Variants in ELAVL1 observed in about 807,000 individuals in gnomAD.
The protein encoded by ELAVL1 is ELAV-like protein 1.
A neutral mutation model predicts 28.4 loss-of-function variants in ELAVL1; 1 was observed. The ratio of observed to expected loss-of-function variants is 0.04; its 90% CI spans 0.01 to 0.17. ELAVL1 has a LOEUF of 0.17. ELAVL1 is among the 10% of genes least tolerant of loss of function. The probability of loss-of-function intolerance (pLI) is 1.00; values close to 1 mark genes in which losing one functional copy is unlikely to be tolerated. For synonymous variants in ELAVL1, 174 were observed against 183.5 expected (o/e 0.95, Z 0.42); for missense variants, 157 against 447.2 (o/e 0.35, Z 5.85).
chr19:7,980,970 G>A (rs1026010459), intron 3 of ELAVL1, 113 bp downstream of exon 3: 29 of 1,048,386 alleles, frequency 2.8e-5, no homozygotes, highest in East Asian at 1.7e-4. Flanking sequence ...GGGAGCCCCC[G>A]AGGAGCGGCT....
chr19:7,984,823 C>T (rs1985557919), intron 2 of ELAVL1, among the ~76,000 whole-genome samples: 1 of 152,258 alleles, frequency 6.6e-6, no homozygotes, highest in Admixed American at 6.5e-5. Flanking sequence ...TGACCACCCA[C>T]CTCCACCTTT....
intron 3 of ELAVL1, among the ~76,000 whole-genome samples, chr19:7,978,800 G>A (rs1008767411): frequency 6.6e-5 from 10 of 152,070 alleles, no homozygotes; most frequent in African/African-American, 1.9e-4. Flanking sequence ...GTTGGGGACC[G>A]TGGCCTTAAA....
In ELAVL1 at chr19:7,963,276, G is replaced by T; in HGVS notation, c.*207C>A. 1.7e-6 allele frequency: 1 copy of T among 598,006 alleles called. No homozygotes were observed. The highest frequency in any genetic ancestry group is 2.9e-6 in the Non-Finnish European group (1 of 350,218). The allele number at this position is 598,006 out of a possible 1,614,324, so 37.0% of individuals were successfully genotyped here. ...ATATATCTTAAAGGAAATAACTTAC[G>T]AAACTTAAGATTGGTCTAACATTGT... is the stretch of plus-strand genomic sequence containing the variant. On this transcript the variant is annotated 3_prime_UTR_variant, in exon 6 of 6. Transcript: ENST00000407627. This position sits in a 1 kb window ranked among gnomAD's most constrained non-coding sequence, Gnocchi z 4.5.
At chr19:7,985,203 C>T (rs1411137389) in intron 2 of ELAVL1, among the ~76,000 whole-genome samples, 3 of 152,192 alleles carry the variant, frequency 2.0e-5, no homozygotes, top group Admixed American at 6.5e-5. Context: ...TATAGGCGTG[C>T]GCCACCGCGC....
At chr19:8,004,782 G>A (rs1309008187) in intron 1 of ELAVL1, among the ~76,000 whole-genome samples, 1 of 152,064 alleles carries the variant, frequency 6.6e-6, no homozygotes, top group African/African-American at 2.4e-5. Context: ...CACACAGTAG[G>A]GACCAAAACC....
rs768294547 is a variant in ELAVL1, at chr19:7,967,718, T to C, written c.503A>G (p.Asn168Ser). Residue 168 changes from asparagine to serine, a missense_variant, in exon 5 of 6, where the codon AAT becomes AGT. Around this residue, in one of 4 missense-constraint regions of ELAVL1, gnomAD observed 107 missense variants for 310.4 expected, o/e 0.34. Transcript: ENST00000407627. The part of the protein sequence containing the change: ...SEAEEAITSF[N>S]GHKPPGSSEP... ...AGAGGAACCTGGGGGTTTATGACCA[T>C]TGAAACTGGTAATTGCCTCTTCTGC... is the stretch of plus-strand genomic sequence containing the variant. The C allele has an allele frequency of 4.3e-6, 7 of 1,614,178 alleles. No homozygotes were observed. The highest frequency in any genetic ancestry group is 1.1e-5 in the South Asian group (1 of 91,076).
chr19:8,000,436 A>C (rs1334242165), intron 1 of ELAVL1, among the ~76,000 whole-genome samples: 1 of 152,192 alleles, frequency 6.6e-6, no homozygotes, highest in African/African-American at 2.4e-5. Context: ...AAGCATGAGA[A>C]TCACTTTCAT....
At chr19:7,994,778 CCTGA>C (rs746543822) in intron 1 of ELAVL1, among the ~76,000 whole-genome samples, 60 of 152,148 alleles carry the variant, frequency 3.9e-4, no homozygotes, top group Middle Eastern at 3.4e-3. Flanking sequence ...AACGTGAGAC[CCTGA>C]CTCTCAACAA....
In ELAVL1 at chr19:7,982,503, G is replaced by A. The variant is rs1985490762; in HGVS notation, c.173-1317C>T. On this transcript the variant is annotated intron_variant, in intron 2 of 5. Coordinates refer to ENST00000407627, the MANE Select transcript of ELAVL1 (RefSeq NM_001419.3). This position sits in a 1 kb window ranked among gnomAD's most constrained non-coding sequence, Gnocchi z 4.3. ...CAAATCCAGCAGAGAGCCTAACCCAGGTTTGCCACTTTCTTTTTAAAATGA... is the reference window on the plus strand; with the variant it reads ...CAAATCCAGCAGAGAGCCTAACCCAAGTTTGCCACTTTCTTTTTAAAATGA... Among the ~76,000 whole-genome samples the A allele has an allele frequency of 6.6e-6, 1 of 152,150 alleles. No individual in the cohort carries two copies. The highest frequency in any genetic ancestry group is 2.4e-5 in the African/African-American group (1 of 41,428).
intron 5 of ELAVL1, among the ~76,000 whole-genome samples, chr19:7,966,615 GTTCATTA>G (rs1339108708): frequency 6.6e-6 from 1 of 152,118 alleles, no homozygotes; most frequent in Non-Finnish European, 1.5e-5. Flanking sequence ...GATATGAGAC[GTTCATTA>G]TTCATTTATT....
chr19:7,978,751 C>T (rs1285613952), intron 3 of ELAVL1, among the ~76,000 whole-genome samples: 1 of 152,116 alleles, frequency 6.6e-6, no homozygotes, highest in East Asian at 1.9e-4. Flanking sequence ...GCCTGGGGTC[C>T]CCCAAAGGGT....
At position 7,960,026 on chromosome 19, in the gene ELAVL1, TGA is replaced by T. The variant is rs1195981957; in HGVS notation, c.*3455_*3456del. 4 of 152,226 alleles carry T rather than the reference TGA, an allele frequency of 2.6e-5. No homozygotes were observed. The highest frequency in any genetic ancestry group is 9.7e-5 in the African/African-American group (4 of 41,442). 9.4% of individuals were successfully genotyped at this position (152,226 alleles called of 1,614,324 possible). ...TGAATCGGATGTGAAATGTAACAGC[TGA>T]GTGATGTCAATTTCGATTTTTCAAG... On this transcript the variant is annotated 3_prime_UTR_variant, in exon 6 of 6. Coordinates refer to ENST00000407627, the MANE Select transcript of ELAVL1 (RefSeq NM_001419.3).
chr19:8,001,634 A>AT (rs1555713706), intron 1 of ELAVL1, among the ~76,000 whole-genome samples: 9,019 of 139,040 alleles, frequency 0.065, 275 homozygotes, highest in Non-Finnish European at 0.076. Context: ...CTTAAAAAAA[A>AT]TTTTTTTTTT....
intron 1 of ELAVL1, among the ~76,000 whole-genome samples, chr19:7,992,664 T>C (rs1213367493): frequency 6.6e-6 from 1 of 152,142 alleles, no homozygotes; most frequent in Non-Finnish European, 1.5e-5. Context: ...TGATATATAG[T>C]GGTGGATGTG....
chr19:7,972,766 A>G (rs1985151909), intron 4 of ELAVL1: 1 of 139,286 alleles, frequency 7.2e-6, no homozygotes, highest in Admixed American at 7.3e-5. Context: ...AGCTGTGATG[A>G]CATGCCCGCG....
chr19:7,985,033 C>G (rs1985563658), intron 2 of ELAVL1, among the ~76,000 whole-genome samples: 1 of 152,192 alleles, frequency 6.6e-6, no homozygotes, highest in Admixed American at 6.5e-5. Context: ...GATGCTCCCA[C>G]CTCAGCCCCC....
chr19:8,004,079 A>G (rs981855758), intron 1 of ELAVL1, among the ~76,000 whole-genome samples: 10 of 152,202 alleles, frequency 6.6e-5, no homozygotes, highest in African/African-American at 9.6e-5. Context: ...CATCTCTAAA[A>G]TGGAAATTAA....
intron 1 of ELAVL1, among the ~76,000 whole-genome samples, chr19:7,994,232 C>G (rs1225585222): frequency 6.6e-6 from 1 of 151,180 alleles, no homozygotes; most frequent in East Asian, 1.9e-4. Flanking sequence ...CATTCTGCCC[C>G]CAAGGGGACA....
intron 1 of ELAVL1, among the ~76,000 whole-genome samples, chr19:7,994,009 A>G (rs1208654438): frequency 6.6e-6 from 1 of 152,194 alleles, no homozygotes; most frequent in Admixed American, 6.5e-5. Context: ...ATTTCCTAAC[A>G]TTTCTTTTAT....
Sources: allele counts gnomAD v4.1 joint callset (sites outside exome capture counted in the v4.1 genomes callset), GRCh38; gene constraint gnomAD v4.1.1; regional missense constraint gnomAD v4.1.1; non-coding constraint Gnocchi (gnomAD v3.1); transcripts MANE v1.5; gene names NCBI Gene and HGNC (gene_info 2026-07-23, HGNC 2026-07-21).